The following SOX6 variants were observed in gnomAD, a reference collection of about 807,000 sequenced individuals.
SOX6 encodes SRY-box transcription factor 6, also known as transcription factor SOX-6.
A neutral mutation model predicts 97.8 loss-of-function variants in SOX6; 11 were observed. The ratio of observed to expected loss-of-function variants is 0.11; its 90% CI spans 0.07 to 0.19. The LOEUF is 0.19. SOX6 is among the 10% of genes least tolerant of loss of function. The pLI is 1.00. For missense variants in SOX6, 810 were observed against 1,039.5 expected (o/e 0.78, Z 3.04); for synonymous variants, 360 against 371.4 (o/e 0.97, Z 0.35).
intron 13 of SOX6, among the ~76,000 whole-genome samples, chr11:16,005,922 G>A (rs1383000938): frequency 6.6e-6 from 1 of 151,564 alleles, no homozygotes. Flanking sequence ...CCTAACTTTG[G>A]CATCATCATG....
chr11:16,228,551 T>A (rs1852753303), intron 4 of SOX6, among the ~76,000 whole-genome samples: 1 of 152,004 alleles, frequency 6.6e-6, no homozygotes, highest in African/African-American at 2.4e-5. Flanking sequence ...GGTACAAAGT[T>A]GCAGGTATGT....
At chr11:16,478,400 A>G (rs1045697211), upstream of SOX6, among the ~76,000 whole-genome samples, 9 of 152,242 alleles carry the variant, frequency 5.9e-5, no homozygotes, top group African/African-American at 9.7e-5. Context: ...ACTATCTTGA[A>G]TTAAGATCTC....
chr11:16,076,735 A>ATTTTTT lies in SOX6; in HGVS notation c.1101+19255_1101+19260dup, dbSNP rs1156737950. Reference sequence around the variant, plus strand: ...GAGAGAGAAGGGGGAGGTACTACACATTTTTTTTTTTTTTTTTTTTTTTTT... The same window carrying ATTTTTT: ...GAGAGAGAAGGGGGAGGTACTACACATTTTTTTTTTTTTTTTTTTTTTTTTTTTTTT... On this transcript the variant is annotated intron_variant, in intron 9 of 15. Coordinates refer to ENST00000683767, the MANE Select transcript of SOX6 (RefSeq NM_001367873.1). Among the ~76,000 whole-genome samples, 102 of 94,152 alleles carry ATTTTTT rather than the reference A, an allele frequency of 1.1e-3. 12 individuals are homozygous for ATTTTTT. In the East Asian group the frequency reaches 0.013, roughly 12 times the overall value. 61.8% of individuals were successfully genotyped at this position (94,152 alleles called of 152,430 possible). A position where few individuals can be genotyped will look rare whatever the true frequency, so the allele number is the denominator to read the frequency against.
chr11:16,705,117 G>A (rs914326166), intron 3 of SOX6, among the ~76,000 whole-genome samples: 6 of 151,948 alleles, frequency 3.9e-5, no homozygotes, highest in Admixed American at 6.6e-5. Context: ...AATTAGCCAG[G>A]CATGGTAGTG....
intron 3 of SOX6, among the ~76,000 whole-genome samples, chr11:16,266,814 G>A (rs1280281753): frequency 6.6e-6 from 1 of 151,244 alleles, no homozygotes; most frequent in Non-Finnish European, 1.5e-5. Context: ...AAATATACAT[G>A]GTATTATTTT....
intron 1 of SOX6, among the ~76,000 whole-genome samples, chr11:16,392,873 G>C (rs1858227584): frequency 6.6e-6 from 1 of 151,970 alleles, no homozygotes; most frequent in Admixed American, 6.6e-5. Flanking sequence ...TGTCCCTTAA[G>C]TTGACTCACT....
intron 4 of SOX6, chr11:16,484,037 G>A (rs67445592): frequency 2.4e-5 from 19 of 796,018 alleles, no homozygotes; most frequent in African/African-American, 2.2e-4. Flanking sequence ...AGGGCCTGTC[G>A]GGAGAGCCGA....
chr11:16,618,358 G>A (rs1007927402), intron 3 of SOX6, among the ~76,000 whole-genome samples: 10 of 151,710 alleles, frequency 6.6e-5, no homozygotes, highest in African/African-American at 2.4e-4. Context: ...ATATAATATA[G>A]CCCATGTTGC....
At chr11:16,196,647 A>T (rs1851779850) in intron 4 of SOX6, among the ~76,000 whole-genome samples, 2 of 151,554 alleles carry the variant, frequency 1.3e-5, no homozygotes, top group African/African-American at 4.9e-5. Flanking sequence ...TTCCATACTC[A>T]CTGTCATACT....
chr11:16,087,203 G>A (rs1283844412), intron 9 of SOX6, among the ~76,000 whole-genome samples: 1 of 151,910 alleles, frequency 6.6e-6, no homozygotes, highest in African/African-American at 2.4e-5. Flanking sequence ...ACTGTAAAAG[G>A]CTATAAAATA....
chr11:16,628,620 CAAA>C (rs71455891), intron 3 of SOX6, among the ~76,000 whole-genome samples: 10 of 103,142 alleles, frequency 9.7e-5, no homozygotes, highest in South Asian at 3.0e-4. Context: ...GACTCCATCT[CAAA>C]AAAAAAAAAA....
intron 4 of SOX6, among the ~76,000 whole-genome samples, chr11:16,536,494 C>T (rs1471236470): frequency 7.9e-5 from 12 of 152,104 alleles, no homozygotes; most frequent in South Asian, 2.1e-4. Flanking sequence ...TGAAGAAGGG[C>T]GGGGCATCGC....
chr11:16,576,383 C>T (rs1279626286), intron 4 of SOX6, among the ~76,000 whole-genome samples: 1 of 152,108 alleles, frequency 6.6e-6, no homozygotes, highest in Non-Finnish European at 1.5e-5. Flanking sequence ...AAGTTAAAGA[C>T]TGGAAACACA....
At chr11:16,271,217 T>G (rs1237519486) in intron 3 of SOX6, among the ~76,000 whole-genome samples, 1 of 151,432 alleles carries the variant, frequency 6.6e-6, no homozygotes, top group Admixed American at 6.6e-5. Context: ...ACTACTGGAA[T>G]AATTCCACTT....
intron 10 of SOX6, among the ~76,000 whole-genome samples, chr11:16,050,511 T>C (rs1300692573): frequency 1.3e-5 from 2 of 152,196 alleles, no homozygotes; most frequent in Non-Finnish European, 2.9e-5. Context: ...TATATTCTGG[T>C]CTCTATTCAT....
intron 1 of SOX6, among the ~76,000 whole-genome samples, chr11:16,343,179 T>C (rs1274100797): frequency 1.3e-5 from 2 of 151,904 alleles, no homozygotes; most frequent in African/African-American, 4.8e-5. Context: ...AGGCAAATTA[T>C]AATTGTTCTG....
chr11:16,110,922 A>G (rs1849213794), intron 7 of SOX6, among the ~76,000 whole-genome samples: 1 of 152,214 alleles, frequency 6.6e-6, no homozygotes, highest in African/African-American at 2.4e-5. Flanking sequence ...TGTTGTACTC[A>G]GATTTGATGG....
chr11:16,626,729 A>G (rs1848628213), intron 3 of SOX6, among the ~76,000 whole-genome samples: 1 of 152,234 alleles, frequency 6.6e-6, no homozygotes, highest in African/African-American at 2.4e-5. Flanking sequence ...AATGTTCTGT[A>G]TATTCAATGC....
At chr11:15,986,656 T>C (rs1175110912) in intron 14 of SOX6, among the ~76,000 whole-genome samples, 1 of 152,224 alleles carries the variant, frequency 6.6e-6, no homozygotes, top group Non-Finnish European at 1.5e-5. Context: ...TACTATAGTA[T>C]TTTAAAATAT....
Sources: gnomAD v4.1 joint callset for allele counts (sites outside exome capture counted in the v4.1 genomes callset) on GRCh38, gnomAD v4.1.1 for gene constraint, MANE v1.5 for transcripts, NCBI Gene and HGNC (gene_info 2026-07-23, HGNC 2026-07-21) for gene names.